Variants in SOCS7 observed in about 807,000 individuals in gnomAD.
The protein encoded by SOCS7 is NAP-4.
A neutral mutation model predicts 58.9 loss-of-function variants in SOCS7; 18 were observed. That is an observed-to-expected ratio of 0.31 (90% CI 0.21 to 0.45). The LOEUF (loss-of-function observed/expected upper bound fraction) is 0.45, where lower values mean the gene tolerates loss of function less well. Ranked by LOEUF, SOCS7 falls within the 20% of genes least tolerant of loss-of-function variation. The pLI is 1.00. For missense variants in SOCS7, 667 were observed against 837.3 expected (o/e 0.80, Z 2.51); for synonymous variants, 388 against 364.3 (o/e 1.06, Z -0.74).
At chr17:38,395,219 A>G (rs1289001441) in intron 7 of SOCS7, 90 bp from the exon 8 acceptor site, 2 of 1,392,674 alleles carry the variant, frequency 1.4e-6, no homozygotes, top group Non-Finnish European at 9.9e-7. Context: ...AAGAAGTCCC[A>G]TTTCCCCTCC....
intron 6 of SOCS7, among the ~76,000 whole-genome samples, chr17:38,371,317 C>T (rs2037861106): frequency 6.6e-6 from 1 of 151,954 alleles, no homozygotes; most frequent in South Asian, 2.1e-4. Context: ...CTTTGTTGCC[C>T]AGGCTGGAGT....
chr17:38,368,447 G>A (rs543299362), intron 6 of SOCS7, among the ~76,000 whole-genome samples: 1 of 151,914 alleles, frequency 6.6e-6, no homozygotes, highest in Non-Finnish European at 1.5e-5. Flanking sequence ...GTTAAATCAC[G>A]TATACAAAGA....
At chr17:38,365,028 G>A (rs771234825) in intron 3 of SOCS7, among the ~76,000 whole-genome samples, 172 bp downstream of exon 3, 11 of 152,136 alleles carry the variant, frequency 7.2e-5, no homozygotes, top group Non-Finnish European at 8.8e-5. Flanking sequence ...GGTCTCACCC[G>A]CATGCTGTAA....
chr17:38,374,489 A>G (rs2037907234), intron 6 of SOCS7, among the ~76,000 whole-genome samples: 1 of 152,220 alleles, frequency 6.6e-6, no homozygotes, highest in Admixed American at 6.5e-5. Context: ...CCTGGGCAAC[A>G]GAGTGAGACC....
intron 9 of SOCS7, 120 bp from the exon 10 acceptor site, chr17:38,399,393 C>T (rs1324479080): frequency 1.3e-5 from 2 of 152,256 alleles, no homozygotes; most frequent in Non-Finnish European, 2.9e-5. Context: ...GCGTTCAGCT[C>T]TCCAGGCTCC....
intron 6 of SOCS7, among the ~76,000 whole-genome samples, chr17:38,370,541 A>G (rs567785328): frequency 6.6e-6 from 1 of 151,362 alleles, no homozygotes; most frequent in Non-Finnish European, 1.5e-5. Flanking sequence ...GGGTCTCACT[A>G]TGTTGCCCAG....
intron 9 of SOCS7, among the ~76,000 whole-genome samples, chr17:38,398,817 G>A (rs1169577595): frequency 1.3e-5 from 2 of 152,166 alleles, no homozygotes; most frequent in African/African-American, 4.8e-5. Context: ...CTCTGGCCAG[G>A]TGTGATGGTT....
Position 38,351,885 on chromosome 17 carries a change from G to T in SOCS7, c.-168G>T, listed in dbSNP as rs977022970. ...TCGGCGGTGGCGGAGCGCGGCCTGG[G>T]CTCGCGCTGGGCTCCGCGCGCCCCC... On this transcript the variant is annotated 5_prime_UTR_variant, in exon 1 of 10. Coordinates refer to ENST00000612932, the MANE Select transcript of SOCS7 (RefSeq NM_014598.4). 1.3e-5 allele frequency among the ~76,000 whole-genome samples: 2 copies of T among 151,266 alleles called. No homozygotes were observed. The highest frequency in any genetic ancestry group is 4.8e-5 in the African/African-American group (2 of 41,366).
At chr17:38,367,444 G>A (rs1213134319) in intron 5 of SOCS7, among the ~76,000 whole-genome samples, 1 of 152,042 alleles carries the variant, frequency 6.6e-6, no homozygotes, top group Non-Finnish European at 1.5e-5. Context: ...CGCAATACCA[G>A]CTCACTGCAA....
chr17:38,404,560 A>C lies in SOCS7; in HGVS notation c.*5078A>C, dbSNP rs2038364935. ...AACACCAAGAGGCCTGGAGGGGCAG[A>C]CAGAAAGCAGCCAGCCACGGCGGGA... On this transcript the variant is annotated 3_prime_UTR_variant, in exon 10 of 10. Coordinates refer to ENST00000612932, the MANE Select transcript of SOCS7 (RefSeq NM_014598.4). 6.6e-6 allele frequency: 1 copy of C among 152,304 alleles called. No homozygotes were observed. The highest frequency in any genetic ancestry group is 2.4e-5 in the African/African-American group (1 of 41,442). The allele number at this position is 152,304 out of a possible 1,614,324, so 9.4% of individuals were successfully genotyped here.
chr17:38,352,957 C>T lies in SOCS7; in HGVS notation c.905C>T (p.Ser302Phe). ...GGGDGTGKRP[S>F]GELAASAASL... ...GGGGATGGGACCGGCAAGAGGCCTT[C>T]TGGAGAGCTGGCTGCTTCAGCTGCG... The change falls in exon 1 of 10, where the codon TCT becomes TTT. Residue 302 changes from serine to phenylalanine, a missense_variant. Physicochemically the swap from Ser to Phe is radical, Grantham distance 155. Transcript: ENST00000612932. The surrounding 1 kb of genome is among the most constrained non-coding windows in gnomAD (Gnocchi z 5.5). 3 of 1,607,888 alleles carry T rather than the reference C, an allele frequency of 1.9e-6. No homozygotes were observed. The highest frequency in any genetic ancestry group is 1.1e-5 in the South Asian group (1 of 89,542).
At chr17:38,383,499 G>A (rs904704016) in intron 7 of SOCS7, among the ~76,000 whole-genome samples, 4 of 152,086 alleles carry the variant, frequency 2.6e-5, no homozygotes, top group South Asian at 4.1e-4. Context: ...GCCCTTTGTC[G>A]TTATTTTATC....
Position 38,402,809 on chromosome 17 carries a change from G to A in SOCS7, c.*3327G>A, listed in dbSNP as rs2070266752. On this transcript the variant is annotated 3_prime_UTR_variant, in exon 10 of 10. Coordinates refer to ENST00000612932, the MANE Select transcript of SOCS7 (RefSeq NM_014598.4). The stretch of plus-strand genomic sequence containing the variant: ...GGCTTACATCTAGGGACCCACTGTT[G>A]ATTCCTAAGTTGTGGGTGGGTGATA... 2 of 152,182 alleles carry A rather than the reference G, an allele frequency of 1.3e-5. No individual in the cohort carries two copies. Among genetic ancestry groups the A allele is most frequent in the Admixed American group, 6.5e-5 (1 of 15,274 alleles). The allele number at this position is 152,182 out of a possible 1,614,324, so 9.4% of individuals were successfully genotyped here.
intron 1 of SOCS7, among the ~76,000 whole-genome samples, chr17:38,358,792 C>A (rs1567735723): frequency 6.6e-6 from 1 of 152,094 alleles, no homozygotes; most frequent in Non-Finnish European, 1.5e-5. Flanking sequence ...CCATGAGGCC[C>A]CCTTATTTGC....
rs1246786086 is a variant in SOCS7, at chr17:38,352,323, C to T, written c.271C>T (p.Leu91=). 10 of 1,487,120 alleles carry T rather than the reference C, an allele frequency of 6.7e-6. No individual in the cohort carries two copies. Among genetic ancestry groups the T allele is most frequent in the Middle Eastern group, 2.4e-4 (1 of 4,218 alleles). 92.1% of individuals were successfully genotyped at this position (1,487,120 alleles called of 1,614,324 possible). Residue 91 remains leucine (L), a synonymous_variant, in exon 1 of 10, where the codon CTG becomes TTG. Coordinates refer to ENST00000612932, the MANE Select transcript of SOCS7 (RefSeq NM_014598.4). The surrounding 1 kb of genome is among the most constrained non-coding windows in gnomAD (Gnocchi z 5.5). ...AAPEPGPSEL[L]CPRHRCALDP... is the part of the protein sequence containing the mutation. ...CCCGGAGCCGGGACCCTCGGAACTG[C>T]TGTGTCCCCGGCACCGCTGTGCCCT...
intron 7 of SOCS7, among the ~76,000 whole-genome samples, chr17:38,392,439 A>G (rs1001576565): frequency 2.0e-5 from 3 of 152,212 alleles, no homozygotes; most frequent in Non-Finnish European, 1.5e-5. Context: ...ATTACAGCCA[A>G]TCCCCCAAAG....
intron 7 of SOCS7, 99 bp from the exon 8 acceptor site, chr17:38,395,210 A>G (rs2038229550): frequency 8.0e-7 from 1 of 1,256,290 alleles, no homozygotes; most frequent in Non-Finnish European, 1.1e-6. Flanking sequence ...TGAACCATAA[A>G]GAAGTCCCAT....
At chr17:38,388,988 G>A (rs984994034) in intron 7 of SOCS7, among the ~76,000 whole-genome samples, 1 of 152,006 alleles carries the variant, frequency 6.6e-6, no homozygotes, top group African/African-American at 2.4e-5. Flanking sequence ...AATTCTCTTG[G>A]ATATATTCCT....
intron 7 of SOCS7, among the ~76,000 whole-genome samples, chr17:38,394,608 A>C (rs988242277): frequency 2.0e-5 from 3 of 152,182 alleles, no homozygotes; most frequent in African/African-American, 4.8e-5. Flanking sequence ...GATGTGCCCA[A>C]CAAGTATCTC....
Sources: allele counts gnomAD v4.1 joint callset (sites outside exome capture counted in the v4.1 genomes callset), GRCh38; gene constraint gnomAD v4.1.1; non-coding constraint Gnocchi (gnomAD v3.1); transcripts MANE v1.5; gene names NCBI Gene and HGNC (gene_info 2026-07-23, HGNC 2026-07-21).